The following FAM118B variants were observed in gnomAD, a reference collection of about 807,000 sequenced individuals.
The protein encoded by FAM118B is protein FAM118B.
A neutral mutation model predicts 38.5 loss-of-function variants in FAM118B; 24 were observed. That is an observed-to-expected ratio of 0.62 (90% CI 0.45 to 0.88). FAM118B has a LOEUF of 0.88. Among genes scored for constraint, FAM118B ranks in the 40% least tolerant of loss-of-function variants. The pLI, the probability that FAM118B is intolerant of heterozygous loss-of-function variation, is 0.00. For synonymous variants in FAM118B, 138 were observed against 156.3 expected (o/e 0.88, Z 0.87); for missense variants, 334 against 420.0 (o/e 0.80, Z 1.79).
intron 3 of FAM118B, among the ~76,000 whole-genome samples, chr11:126,235,579 C>T (rs1037326594): frequency 2.6e-5 from 4 of 151,986 alleles, no homozygotes; most frequent in Admixed American, 2.6e-4. Flanking sequence ...AGTTCAGTGG[C>T]ACGATCTTGG....
At position 126,250,704 on chromosome 11, in the gene FAM118B, G is replaced by C. The variant is rs1352362328; in HGVS notation, c.538G>C (p.Glu180Gln). ...TGCAGCAGATCAGGGGAAACAGCTT[G>C]AATCCCTTGACCTTACTGATGAGAA... The part of the protein sequence containing the change: ...LYAADQGKQL[E>Q]SLDLTDEKKV... The change falls in exon 5 of 9, where the codon GAA becomes CAA. Residue 180 changes from glutamate to glutamine, a missense_variant. Glu to Gln is a conservative substitution (Grantham distance 29, BLOSUM62 2). Coordinates refer to ENST00000533050, the MANE Select transcript of FAM118B (RefSeq NM_024556.4). The surrounding 1 kb of genome is among the most constrained non-coding windows in gnomAD (Gnocchi z 5.1). 1 of 1,613,862 alleles carries C rather than the reference G, an allele frequency of 6.2e-7. No individual in the cohort carries two copies. The highest frequency in any genetic ancestry group is 1.3e-5 in the African/African-American group (1 of 74,908).
At chr11:126,230,961 A>G (rs1359600412) in intron 2 of FAM118B, among the ~76,000 whole-genome samples, 3 of 152,098 alleles carry the variant, frequency 2.0e-5, no homozygotes, top group East Asian at 1.9e-4. Context: ...TCCCTTTACC[A>G]TATTTCTTCT....
At chr11:126,233,705 G>A (rs1279084574) in intron 2 of FAM118B, 6 of 456,256 alleles carry the variant, frequency 1.3e-5, no homozygotes, top group Admixed American at 2.4e-5. Flanking sequence ...ATTACACTGC[G>A]TGTGATGGAC....
intron 4 of FAM118B, among the ~76,000 whole-genome samples, chr11:126,241,477 G>C (rs1950356542): frequency 1.3e-5 from 2 of 152,110 alleles, no homozygotes; most frequent in African/African-American, 4.8e-5. Context: ...TATTTAGAAG[G>C]AATTGCACCT....
rs1400640038 is a variant in FAM118B at position 126,261,503 on chromosome 11, T to C, written c.1042+19T>C. 6.3e-7 allele frequency: 1 copy of C among 1,599,056 alleles called. No individual in the cohort carries two copies. Among genetic ancestry groups the C allele is most frequent in the African/African-American group, 1.3e-5 (1 of 74,616 alleles). Reference sequence around the variant, plus strand: ...ATAAGAGGTATACTGTTTCCTATTCTACTATTTATCACTCTGTAGCAGAAA... The same window carrying C: ...ATAAGAGGTATACTGTTTCCTATTCCACTATTTATCACTCTGTAGCAGAAA... On this transcript the variant is annotated intron_variant, in intron 8 of 8. Coordinates refer to ENST00000533050, the MANE Select transcript of FAM118B (RefSeq NM_024556.4).
chr11:126,217,206 G>C (rs749907194), intron 1 of FAM118B, among the ~76,000 whole-genome samples: 2 of 152,226 alleles, frequency 1.3e-5, no homozygotes, highest in Non-Finnish European at 2.9e-5. Flanking sequence ...TGAACAAAAA[G>C]ACTTTTTTTG....
intron 5 of FAM118B, among the ~76,000 whole-genome samples, chr11:126,251,313 G>GT (rs1488127730): frequency 6.6e-6 from 1 of 152,174 alleles, no homozygotes; most frequent in Non-Finnish European, 1.5e-5. Context: ...TTTTTGTAAT[G>GT]TTTTTTCCTA....
At chr11:126,237,889 A>G (rs1259991110) in intron 3 of FAM118B, among the ~76,000 whole-genome samples, 1 of 150,020 alleles carries the variant, frequency 6.7e-6, no homozygotes, top group African/African-American at 2.4e-5. Context: ...GAAAAAATAT[A>G]TGTGAGGATA....
intron 1 of FAM118B, among the ~76,000 whole-genome samples, chr11:126,223,776 A>T (rs769129898): frequency 1.3e-5 from 2 of 152,246 alleles, no homozygotes; most frequent in African/African-American, 4.8e-5. Context: ...CAGAGTAGAC[A>T]TCAGAGACTT....
At chr11:126,254,247 A>G (rs1238511350) in intron 5 of FAM118B, 58 bp from the exon 6 acceptor site, 1 of 1,574,070 alleles carries the variant, frequency 6.4e-7, no homozygotes, top group Non-Finnish European at 8.6e-7. Flanking sequence ...GCCCATTGTG[A>G]CCTTTAAACA....
At chr11:126,221,554 G>T (rs562108684) in intron 1 of FAM118B, among the ~76,000 whole-genome samples, 1 of 152,118 alleles carries the variant, frequency 6.6e-6, no homozygotes, top group South Asian at 2.1e-4. Context: ...AATATTGAAG[G>T]GCTGCCTGAC....
At chr11:126,260,436 A>G (rs567865035) in intron 7 of FAM118B, 83 of 150,014 alleles carry the variant, frequency 5.5e-4, no homozygotes, top group African/African-American at 1.8e-3. Context: ...TCAGTAGTGG[A>G]TTGTACATTT....
At chr11:126,214,522 T>G (rs1382930582) in intron 1 of FAM118B, 1 of 136,512 alleles carries the variant, frequency 7.3e-6, no homozygotes, top group East Asian at 2.2e-4. Context: ...TTGTTTTTTT[T>G]TTTTTACCTC....
chr11:126,262,289 C>A lies in FAM118B; in HGVS notation c.*156C>A. The A allele has an allele frequency of 1.4e-6, 1 of 709,462 alleles. No individual in the cohort carries two copies. The highest frequency in any genetic ancestry group is 1.8e-5 in the African/African-American group (1 of 55,474). The allele number at this position is 709,462 out of a possible 1,614,324, so 43.9% of individuals were successfully genotyped here. On this transcript the variant is annotated 3_prime_UTR_variant, in exon 9 of 9. Transcript: ENST00000533050. ...GGTAGAAGAGGGGGGAATGTTGCAG[C>A]GTAATCCTTCATACCACCTGGTTCT...
At chr11:126,237,215 CTTTTTTT>C (rs34631802) in intron 3 of FAM118B, among the ~76,000 whole-genome samples, 2 of 43,100 alleles carry the variant, frequency 4.6e-5, no homozygotes, top group Non-Finnish European at 8.0e-5. Context: ...CGCGCCTGGC[CTTTTTTT>C]TTTTTTTTTT....
chr11:126,254,182 A>G (rs936170821), intron 5 of FAM118B, 123 bp from the exon 6 acceptor site: 9 of 1,201,070 alleles, frequency 7.5e-6, no homozygotes, highest in East Asian at 2.5e-5. Flanking sequence ...TTCTTGTCCT[A>G]TATCATGAAG....
Position 126,250,441 on chromosome 11 carries a change from T to A in FAM118B, c.340-65T>A, listed in dbSNP as rs898805119. On this transcript the variant is annotated intron_variant, in intron 4 of 8. Transcript: ENST00000533050. The surrounding 1 kb of genome is among the most constrained non-coding windows in gnomAD (Gnocchi z 5.1). ...ATTCTTCCAAAATTTGTTACTGCTG[T>A]AACTAAAACAACTGACCTACCAAAG... 1 of 1,118,562 alleles carries A rather than the reference T, an allele frequency of 8.9e-7. No homozygotes were observed. Among genetic ancestry groups the A allele is most frequent in the Admixed American group, 1.9e-5 (1 of 51,582 alleles). 69.3% of individuals were successfully genotyped at this position (1,118,562 alleles called of 1,614,324 possible). A position where few individuals can be genotyped will look rare whatever the true frequency, so the allele number is the denominator to read the frequency against.
At position 126,252,111 on chromosome 11, in the gene FAM118B, C is replaced by T. The variant is rs374917949; in HGVS notation, c.567+1378C>T. 5.3e-5 allele frequency among the ~76,000 whole-genome samples: 8 copies of T among 152,114 alleles called. No individual in the cohort carries two copies. The highest frequency in any genetic ancestry group is 2.1e-4 in the South Asian group (1 of 4,812). The stretch of plus-strand genomic sequence containing the variant: ...AAGCGATTCTCCTGCCTCAGCGTCC[C>T]GAATAGCTGGGATTACAGGCACCCG... On this transcript the variant is annotated intron_variant, in intron 5 of 8. Coordinates refer to ENST00000533050, the MANE Select transcript of FAM118B (RefSeq NM_024556.4). This position sits in a 1 kb window ranked among gnomAD's most constrained non-coding sequence, Gnocchi z 4.7.
At chr11:126,237,022 T>C (rs958929033) in intron 3 of FAM118B, among the ~76,000 whole-genome samples, 12 of 149,136 alleles carry the variant, frequency 8.0e-5, no homozygotes, top group African/African-American at 2.7e-4. Flanking sequence ...GTTCACACCA[T>C]TCTCCTGCCT....
Sources: gnomAD v4.1 joint callset for allele counts (sites outside exome capture counted in the v4.1 genomes callset) on GRCh38, gnomAD v4.1.1 for gene constraint, Gnocchi (gnomAD v3.1) non-coding constraint, MANE v1.5 for transcripts, NCBI Gene and HGNC (gene_info 2026-07-23, HGNC 2026-07-21) for gene names.